The following CDYL variants were observed in gnomAD, a reference collection of about 807,000 sequenced individuals.
The protein encoded by CDYL is chromodomain Y like.
In CDYL, 8 loss-of-function variants were observed where a neutral mutation model predicts 47.3. That is an observed-to-expected ratio of 0.17 (90% confidence interval 0.10 to 0.31). The LOEUF (loss-of-function observed/expected upper bound fraction) is 0.31, where lower values mean the gene tolerates loss of function less well. CDYL is among the 10% of genes least tolerant of loss of function. CDYL has a pLI of 1.00. For missense variants in CDYL, 471 were observed against 701.4 expected (o/e 0.67, Z 3.71); for synonymous variants, 266 against 265.0 (o/e 1.00, Z -0.04).
intron 1 of CDYL, among the ~76,000 whole-genome samples, chr6:4,851,329 TTTA>T (rs200183561): frequency 1.3e-5 from 2 of 152,302 alleles, no homozygotes; most frequent in African/African-American, 4.8e-5. Context: ...TACTAGGTAC[TTTA>T]TTATTATTAT....
intron 2 of CDYL, among the ~76,000 whole-genome samples, chr6:4,903,222 A>G (rs1757123134): frequency 6.6e-6 from 1 of 152,238 alleles, no homozygotes; most frequent in African/African-American, 2.4e-5. Flanking sequence ...CAGACGAGTC[A>G]GCAGGCCTGT....
At chr6:4,814,884 G>A (rs1183734980) in intron 1 of CDYL, among the ~76,000 whole-genome samples, 8 of 152,328 alleles carry the variant, frequency 5.3e-5, no homozygotes, top group Non-Finnish European at 1.5e-5. Flanking sequence ...TCAGCTTGTT[G>A]TAGGGTTTTG....
intron 3 of CDYL, among the ~76,000 whole-genome samples, chr6:4,754,426 T>G (rs1758044992): frequency 6.6e-6 from 1 of 152,212 alleles, no homozygotes; most frequent in Admixed American, 6.5e-5. Context: ...AAATAGGCAC[T>G]TGATCTTTGA....
chr6:4,724,221 T>C (rs548984897), intron 2 of CDYL, among the ~76,000 whole-genome samples: 1 of 152,220 alleles, frequency 6.6e-6, no homozygotes, highest in South Asian at 2.1e-4. Context: ...TTGTATTTTT[T>C]TTTTTTAAGT....
At chr6:4,760,688 A>G (rs1327499069) in intron 3 of CDYL, among the ~76,000 whole-genome samples, 1 of 152,240 alleles carries the variant, frequency 6.6e-6, no homozygotes, top group Non-Finnish European at 1.5e-5. Flanking sequence ...GGAAATTGGC[A>G]TAAAAGGACC....
At chr6:4,844,095 C>T (rs1760583081) in intron 1 of CDYL, among the ~76,000 whole-genome samples, 2 of 152,296 alleles carry the variant, frequency 1.3e-5, no homozygotes, top group East Asian at 1.9e-4. Context: ...ATTGTTTTTT[C>T]TCTTCCGGAT....
intron 3 of CDYL, among the ~76,000 whole-genome samples, chr6:4,758,351 A>AATATATATATATATATATAT (rs56250752): frequency 1.0e-3 from 133 of 129,052 alleles, no homozygotes; most frequent in African/African-American, 3.8e-3. Flanking sequence ...AAAATAAATA[A>AATATATATATATATATATAT]ATATATATAT....
chr6:4,813,257 C>T (rs947849865), intron 1 of CDYL, among the ~76,000 whole-genome samples: 3 of 152,186 alleles, frequency 2.0e-5, no homozygotes, highest in Non-Finnish European at 4.4e-5. Flanking sequence ...ACACTGCCGT[C>T]GTCATCTTCG....
intron 1 of CDYL, 43 bp from the exon 2 acceptor site, chr6:4,891,670 A>C (rs1762045874): frequency 6.6e-7 from 1 of 1,505,200 alleles, no homozygotes; most frequent in South Asian, 1.3e-5. Flanking sequence ...TTTCCCCCCA[A>C]ATTTTGATTT....
At chr6:4,821,048 T>A (rs1476722715) in intron 1 of CDYL, among the ~76,000 whole-genome samples, 1 of 152,178 alleles carries the variant, frequency 6.6e-6, no homozygotes, top group Non-Finnish European at 1.5e-5. Context: ...ATTGTATTCA[T>A]CTTATTAATG....
intron 1 of CDYL, among the ~76,000 whole-genome samples, chr6:4,871,782 C>G (rs1384045800): frequency 2.6e-5 from 4 of 152,196 alleles, no homozygotes; most frequent in Admixed American, 2.6e-4. Flanking sequence ...ACAAAAACTG[C>G]TAAGTACCCC....
At chr6:4,724,422 T>G (rs773175405) in intron 2 of CDYL, 2 of 152,252 alleles carry the variant, frequency 1.3e-5, no homozygotes, top group Admixed American at 6.5e-5. Flanking sequence ...TTGATGGGTT[T>G]ATGCTGCAGT....
intron 1 of CDYL, among the ~76,000 whole-genome samples, chr6:4,868,817 T>C (rs928648292): frequency 5.3e-5 from 8 of 152,236 alleles, no homozygotes; most frequent in Admixed American, 4.6e-4. Flanking sequence ...CACACATTCA[T>C]AGTTATTACA....
rs765632949 is a variant in CDYL at position 4,712,821 on chromosome 6, T to A, written c.-38-2920T>A. 3.3e-5 allele frequency among the ~76,000 whole-genome samples: 5 copies of A among 152,050 alleles called. No individual in the cohort carries two copies. The South Asian group carries it at 1.0e-3, about 32-fold the overall frequency. The stretch of plus-strand genomic sequence containing the variant: ...AGCCAGGAGAACTAGCAGGAAGGGG[T>A]TCTTTCCAGCCTTCACTCTGCCATT... On this transcript the variant is annotated intron_variant, in intron 1 of 8. Transcript: ENST00000328908.
At chr6:4,886,248 G>A (rs1281192282) in intron 1 of CDYL, among the ~76,000 whole-genome samples, 2 of 152,218 alleles carry the variant, frequency 1.3e-5, no homozygotes, top group Non-Finnish European at 2.9e-5. Context: ...CTTTCTGTTG[G>A]GTAGATACCT....
At chr6:4,738,010 A>G (rs1170205991) in intron 3 of CDYL, among the ~76,000 whole-genome samples, 1 of 152,256 alleles carries the variant, frequency 6.6e-6, no homozygotes, top group Non-Finnish European at 1.5e-5. Flanking sequence ...TGCTAAAATT[A>G]TTTTAAATAA....
chr6:4,719,113 T>TG (rs1561821518), intron 2 of CDYL, among the ~76,000 whole-genome samples: 1 of 152,050 alleles, frequency 6.6e-6, no homozygotes, highest in South Asian at 2.1e-4. Context: ...TTAGTAGAGA[T>TG]GGAGTTTTGC....
chr6:4,711,327 C>T (rs187481479), intron 1 of CDYL, among the ~76,000 whole-genome samples: 77 of 152,294 alleles, frequency 5.1e-4, no homozygotes, highest in Non-Finnish European at 8.4e-4. Flanking sequence ...GGAAGTCGTA[C>T]ACCTTGACCC....
chr6:4,945,061 C>T (rs540259095), intron 5 of CDYL, among the ~76,000 whole-genome samples: 2 of 152,200 alleles, frequency 1.3e-5, no homozygotes, highest in South Asian at 2.1e-4. Flanking sequence ...ACTGAGGAAC[C>T]GTCTCAGACT....
Sources: allele counts gnomAD v4.1 joint callset (sites outside exome capture counted in the v4.1 genomes callset), GRCh38; gene constraint gnomAD v4.1.1; transcripts MANE v1.5; gene names NCBI Gene and HGNC (gene_info 2026-07-23, HGNC 2026-07-21).